Variants in WWOX observed in about 807,000 individuals in gnomAD.
WWOX encodes the protein WW domain-containing oxidoreductase.
In WWOX, 69 loss-of-function variants were observed where a neutral mutation model predicts 46.2. The observed-to-expected ratio is 1.49, with a 90% CI of 1.23 to 1.82. WWOX has a LOEUF of 1.82. Among genes scored for constraint, WWOX ranks in the 40% most tolerant of loss-of-function variants. WWOX has a pLI of 0.00. For synonymous variants in WWOX, 359 were observed against 202.6 expected, an observed-to-expected ratio of 1.77 and a Z score of -6.56; for missense variants, 919 against 542.6, an observed-to-expected ratio of 1.69 and a Z score of -6.89.
At chr16:78,927,637 C>A (rs1473464459) in intron 8 of WWOX, among the ~76,000 whole-genome samples, 2 of 152,116 alleles carry the variant, frequency 1.3e-5, no homozygotes, top group South Asian at 4.1e-4. Context: ...TCCTTTAAAT[C>A]TAAATTGGAG....
intron 8 of WWOX, among the ~76,000 whole-genome samples, chr16:78,829,374 T>C (rs975749060): frequency 1.3e-5 from 2 of 152,176 alleles, no homozygotes; most frequent in Non-Finnish European, 2.9e-5. Flanking sequence ...ACTTTTGTTT[T>C]ATTCGGGCCT....
chr16:78,830,596 A>C lies in WWOX; in HGVS notation c.1057-381012A>C, dbSNP rs567671391. ...TAGGAGATATTTTCCAAGGTCACTA[A>C]ATTAAGCCTTCAGACAATCGAAAAA... On this transcript the variant is annotated intron_variant, in intron 8 of 8. Coordinates refer to ENST00000566780, the MANE Select transcript of WWOX (RefSeq NM_016373.4). 1.4e-4 allele frequency among the ~76,000 whole-genome samples: 22 copies of C among 152,126 alleles called. No individual in the cohort carries two copies. The South Asian group carries it at 1.9e-3, about 13-fold the overall frequency.
intron 1 of WWOX, among the ~76,000 whole-genome samples, chr16:78,104,261 C>CACAT (rs2031994400): frequency 1.3e-5 from 2 of 151,560 alleles, no homozygotes; most frequent in East Asian, 3.9e-4. Flanking sequence ...CACACACACA[C>CACAT]ACACACACAC....
At chr16:78,274,282 A>G (rs550441881) in intron 5 of WWOX, among the ~76,000 whole-genome samples, 38 of 152,066 alleles carry the variant, frequency 2.5e-4, no homozygotes, top group Non-Finnish European at 4.0e-4. Flanking sequence ...TTAAGATTCC[A>G]TCTGACAAGA....
At chr16:78,133,124 G>A (rs1457138299) in intron 4 of WWOX, among the ~76,000 whole-genome samples, 4 of 152,076 alleles carry the variant, frequency 2.6e-5, no homozygotes, top group South Asian at 2.1e-4. Flanking sequence ...TACATGCCGT[G>A]TATTACTGGT....
At chr16:78,956,293 A>G (rs961984841) in intron 8 of WWOX, among the ~76,000 whole-genome samples, 2 of 152,100 alleles carry the variant, frequency 1.3e-5, no homozygotes, top group African/African-American at 2.4e-5. Flanking sequence ...TTATAGGCAC[A>G]TGCCACCATA....
chr16:78,269,221 T>C (rs1038236326), intron 5 of WWOX: 1 of 152,248 alleles, frequency 6.6e-6, no homozygotes, highest in African/African-American at 2.4e-5. Context: ...ATTAAGAATC[T>C]TTCTTAATAG....
chr16:78,223,479 T>A (rs2036956684), intron 5 of WWOX, among the ~76,000 whole-genome samples: 1 of 152,080 alleles, frequency 6.6e-6, no homozygotes, highest in Non-Finnish European at 1.5e-5. Flanking sequence ...AAGAGGTTGA[T>A]GGGGGATGCT....
intron 8 of WWOX, among the ~76,000 whole-genome samples, chr16:78,735,205 G>T (rs1281160952): frequency 6.6e-6 from 1 of 152,034 alleles, no homozygotes; most frequent in Non-Finnish European, 1.5e-5. Flanking sequence ...TTGAACTGAA[G>T]CATCAGCATT....
At chr16:79,094,027 C>A (rs1435097273) in intron 8 of WWOX, among the ~76,000 whole-genome samples, 1 of 152,150 alleles carries the variant, frequency 6.6e-6, no homozygotes, top group East Asian at 1.9e-4. Flanking sequence ...AATGAATGTC[C>A]ATGGGGTCAC....
chr16:78,841,214 G>A (rs529576460), intron 8 of WWOX, among the ~76,000 whole-genome samples: 2 of 152,296 alleles, frequency 1.3e-5, no homozygotes, highest in East Asian at 1.9e-4. Flanking sequence ...GGAAGATTGT[G>A]TGGTGTTTTG....
At chr16:78,648,947 G>A (rs1047576959) in intron 8 of WWOX, among the ~76,000 whole-genome samples, 1 of 151,986 alleles carries the variant, frequency 6.6e-6, no homozygotes, top group Non-Finnish European at 1.5e-5. Flanking sequence ...TTCTTTGATT[G>A]TTTTTAATTA....
chr16:79,118,238 G>A (rs2049557910), intron 8 of WWOX, among the ~76,000 whole-genome samples: 1 of 152,230 alleles, frequency 6.6e-6, no homozygotes, highest in Non-Finnish European at 1.5e-5. Context: ...GTAATAGGGA[G>A]GCCCAAGGAG....
At chr16:78,524,153 C>G (rs1177582404) in intron 8 of WWOX, among the ~76,000 whole-genome samples, 1 of 152,016 alleles carries the variant, frequency 6.6e-6, no homozygotes. Context: ...TGGGTTGATT[C>G]CCTTCTTTCT....
intron 8 of WWOX, among the ~76,000 whole-genome samples, chr16:78,996,804 T>G (rs1277970215): frequency 6.6e-6 from 1 of 152,146 alleles, no homozygotes. Flanking sequence ...ACACCCAAAG[T>G]AGGCACTGTT....
At chr16:78,906,772 T>A (rs1447263049) in intron 8 of WWOX, among the ~76,000 whole-genome samples, 1 of 152,244 alleles carries the variant, frequency 6.6e-6, no homozygotes, top group Non-Finnish European at 1.5e-5. Flanking sequence ...TTTGATCATG[T>A]GACAAGGTCT....
chr16:78,274,081 C>G (rs1027452942), intron 5 of WWOX, among the ~76,000 whole-genome samples: 5 of 152,154 alleles, frequency 3.3e-5, no homozygotes, highest in African/African-American at 1.2e-4. Context: ...CTCCCAAAAC[C>G]TCAATAGATT....
At chr16:78,960,712 C>G (rs552998266) in intron 8 of WWOX, among the ~76,000 whole-genome samples, 15 of 152,330 alleles carry the variant, frequency 9.8e-5, no homozygotes, top group Admixed American at 3.3e-4. Flanking sequence ...GGATGTATGA[C>G]TTTCCAGTAG....
chr16:78,228,505 C>G (rs1021166971), intron 5 of WWOX, among the ~76,000 whole-genome samples: 1 of 152,088 alleles, frequency 6.6e-6, no homozygotes, highest in Non-Finnish European at 1.5e-5. Context: ...CCATGCCCAA[C>G]TAACTTTTGT....
Sources: gnomAD v4.1 joint callset for allele counts (sites outside exome capture counted in the v4.1 genomes callset) on GRCh38, gnomAD v4.1.1 for gene constraint, MANE v1.5 for transcripts, NCBI Gene and HGNC (gene_info 2026-07-23, HGNC 2026-07-21) for gene names.